Variants in FHIT observed in about 807,000 individuals in gnomAD.
FHIT encodes the protein bis(5'-adenosyl)-triphosphatase.
In FHIT, 19 loss-of-function variants were observed where a neutral mutation model predicts 17.9. The observed-to-expected ratio is 1.06, with a 90% confidence interval of 0.74 to 1.56. FHIT has a LOEUF of 1.56. FHIT is among the 40% of genes most tolerant of loss of function. The pLI is 0.00. For missense variants in FHIT, 248 were observed against 189.2 expected (o/e 1.31, Z -1.82); for synonymous variants, 81 against 69.7 (o/e 1.16, Z -0.81).
intron 3 of FHIT, among the ~76,000 whole-genome samples, chr3:60,988,985 T>G (rs2029928235): frequency 7.4e-6 from 1 of 135,798 alleles, no homozygotes; most frequent in South Asian, 2.4e-4. Flanking sequence ...ACAAGATAAT[T>G]TGGTAACTGA....
chr3:60,175,937 G>C (rs1245101732), intron 5 of FHIT, among the ~76,000 whole-genome samples: 1 of 152,264 alleles, frequency 6.6e-6, no homozygotes, highest in African/African-American at 2.4e-5. Context: ...TTCCAGATCT[G>C]TTCTGTCCAA....
At chr3:61,084,530 T>TATTA (rs2035246258) in intron 2 of FHIT, among the ~76,000 whole-genome samples, 1 of 152,222 alleles carries the variant, frequency 6.6e-6, no homozygotes, top group Non-Finnish European at 1.5e-5. Context: ...TCCTTTCATA[T>TATTA]ATTAGGTCAT....
rs372189269 is a variant in FHIT at position 61,151,656 on chromosome 3, C to A, written c.-164+48961G>T. ...TGACGTGATCTTGGCTCATTGCAACCTCTCCCTCCTGGGTTCAAGTGATTC... is the reference window on the plus strand; with the variant it reads ...TGACGTGATCTTGGCTCATTGCAACATCTCCCTCCTGGGTTCAAGTGATTC... On this transcript the variant is annotated intron_variant, in intron 2 of 9. Transcript: ENST00000492590. Among the ~76,000 whole-genome samples, 31 of 151,454 alleles carry A rather than the reference C, an allele frequency of 2.0e-4. 1 individual carries two copies. The South Asian group carries it at 6.1e-3, about 30-fold the overall frequency.
chr3:59,840,640 A>C (rs1575575022), intron 8 of FHIT, among the ~76,000 whole-genome samples: 1 of 152,242 alleles, frequency 6.6e-6, no homozygotes, highest in East Asian at 1.9e-4. Context: ...GCCTTGCCTC[A>C]ATCCTCAAAA....
intron 4 of FHIT, among the ~76,000 whole-genome samples, chr3:60,758,830 T>C (rs1553718948): frequency 1.3e-5 from 2 of 152,154 alleles, no homozygotes; most frequent in African/African-American, 4.8e-5. Flanking sequence ...AACAACTCAA[T>C]GATATCTTAT....
intron 5 of FHIT, among the ~76,000 whole-genome samples, chr3:60,366,918 T>C (rs1700127830): frequency 6.6e-6 from 1 of 152,220 alleles, no homozygotes; most frequent in South Asian, 2.1e-4. Flanking sequence ...AATCATTTTG[T>C]CAACTTATAT....
At chr3:60,146,725 A>G (rs1700258515) in intron 5 of FHIT, among the ~76,000 whole-genome samples, 1 of 152,158 alleles carries the variant, frequency 6.6e-6, no homozygotes, top group Non-Finnish European at 1.5e-5. Flanking sequence ...CATCATGAAC[A>G]CCATCCAAGT....
intron 3 of FHIT, among the ~76,000 whole-genome samples, chr3:60,986,815 T>C (rs1710738397): frequency 6.6e-6 from 1 of 152,206 alleles, no homozygotes; most frequent in Non-Finnish European, 1.5e-5. Flanking sequence ...CTTGGCAACG[T>C]TCTGAGTTCT....
intron 8 of FHIT, among the ~76,000 whole-genome samples, chr3:59,844,217 G>A (rs540573165): frequency 2.8e-4 from 42 of 152,126 alleles, no homozygotes; most frequent in Middle Eastern, 3.4e-3. Flanking sequence ...TATAGCAATG[G>A]AAGAATAGCC....
chr3:60,063,739 T>G (rs1702387036), intron 5 of FHIT, among the ~76,000 whole-genome samples: 1 of 152,190 alleles, frequency 6.6e-6, no homozygotes, highest in Non-Finnish European at 1.5e-5. Flanking sequence ...GAATTTGCCC[T>G]ACAGATATAC....
chr3:60,601,332 G>A (rs1363461226), intron 4 of FHIT, among the ~76,000 whole-genome samples: 2 of 152,116 alleles, frequency 1.3e-5, no homozygotes, highest in Non-Finnish European at 2.9e-5. Flanking sequence ...AGGTTACTGG[G>A]CCACATCTCC....
rs1303545312 is a variant in FHIT, at chr3:60,218,872, C to CATACATACATAT, written c.104-204732_104-204721dup. On this transcript the variant is annotated intron_variant, in intron 5 of 9. Transcript: ENST00000492590. ...TCTATACTGCCTACATACATACATA[C>CATACATACATAT]ATACATACATATATACATACATATA... Among the ~76,000 whole-genome samples the CATACATACATAT allele has an allele frequency of 2.0e-5, 3 of 152,160 alleles. No homozygotes were observed. In the East Asian group the frequency reaches 5.8e-4, roughly 29 times the overall value.
At chr3:60,034,114 C>G (rs148924740) in intron 5 of FHIT, among the ~76,000 whole-genome samples, 1 of 152,344 alleles carries the variant, frequency 6.6e-6, no homozygotes, top group East Asian at 1.9e-4. Flanking sequence ...ATCTTCACAA[C>G]AATTTCATAA....
chr3:60,042,169 G>A (rs1018965955), intron 5 of FHIT, among the ~76,000 whole-genome samples: 4 of 152,160 alleles, frequency 2.6e-5, no homozygotes, highest in Admixed American at 2.6e-4. Flanking sequence ...AATCCCCCAG[G>A]AAAAGGCATT....
intron 5 of FHIT, among the ~76,000 whole-genome samples, chr3:60,330,247 A>C (rs1325203968): frequency 6.6e-6 from 1 of 152,172 alleles, no homozygotes; most frequent in African/African-American, 2.4e-5. Flanking sequence ...CAAGACAGCA[A>C]TGCTCGATCA....
intron 4 of FHIT, among the ~76,000 whole-genome samples, chr3:60,647,511 C>T (rs1034127825): frequency 5.3e-5 from 8 of 152,162 alleles, no homozygotes; most frequent in Admixed American, 5.2e-4. Context: ...GTCCAGGGTT[C>T]TTTCCACTTG....
chr3:60,970,685 T>C (rs1466254168), intron 3 of FHIT, among the ~76,000 whole-genome samples: 2 of 152,214 alleles, frequency 1.3e-5, no homozygotes, highest in Non-Finnish European at 2.9e-5. Flanking sequence ...AATTGATACT[T>C]TTATCCTGTC....
chr3:60,320,720 T>C, intron 5 of FHIT, among the ~76,000 whole-genome samples: 1 of 152,160 alleles, frequency 6.6e-6, no homozygotes, highest in East Asian at 1.9e-4. Flanking sequence ...CTATAAAACT[T>C]GTGCTATAAT....
intron 4 of FHIT, among the ~76,000 whole-genome samples, chr3:60,537,286 C>T (rs1314998374): frequency 2.0e-5 from 3 of 152,102 alleles, no homozygotes; most frequent in African/African-American, 7.2e-5. Context: ...AACTCAAATC[C>T]ACAAGGCCCT....
Sources: gnomAD v4.1 joint callset for allele counts (sites outside exome capture counted in the v4.1 genomes callset) on GRCh38, gnomAD v4.1.1 for gene constraint, MANE v1.5 for transcripts, NCBI Gene and HGNC (gene_info 2026-07-23, HGNC 2026-07-21) for gene names.